Variants in SLC44A5 observed in about 807,000 individuals in gnomAD.
SLC44A5 encodes choline transporter-like protein 5.
Under a neutral mutation model 101.8 loss-of-function variants are expected in SLC44A5, and 57 were observed. The ratio of observed to expected loss-of-function variants is 0.56; its 90% CI spans 0.45 to 0.70. The LOEUF (loss-of-function observed/expected upper bound fraction) is 0.70, where lower values mean the gene tolerates loss of function less well. Ranked by LOEUF, SLC44A5 falls within the 30% of genes least tolerant of loss-of-function variation. The pLI, the probability that SLC44A5 is intolerant of heterozygous loss-of-function variation, is 0.00. For missense variants in SLC44A5, 737 were observed against 853.1 expected, an observed-to-expected ratio of 0.86 and a Z score of 1.70; for synonymous variants, 281 against 290.9, an observed-to-expected ratio of 0.97 and a Z score of 0.35.
At chr1:75,686,605 G>A in the SLC44A5 span, among the ~76,000 whole-genome samples, 1 of 152,166 alleles carries the variant, frequency 6.6e-6, no homozygotes, top group African/African-American at 2.4e-5. Flanking sequence ...ATTATTGAAG[G>A]GACTTTGGTT....
intron 6 of SLC44A5, among the ~76,000 whole-genome samples, chr1:75,270,886 T>C (rs1044391314): frequency 6.6e-6 from 1 of 152,184 alleles, no homozygotes; most frequent in Non-Finnish European, 1.5e-5. Context: ...TTGACATAAG[T>C]GGATCATTGG....
At chr1:75,643,067 A>G in the SLC44A5 span, among the ~76,000 whole-genome samples, 1 of 152,148 alleles carries the variant, frequency 6.6e-6, no homozygotes, top group Non-Finnish European at 1.5e-5. Flanking sequence ...TAGATTTCCT[A>G]TACTGATTTT....
At chr1:75,205,592 C>T (rs138394915) in intron 23 of SLC44A5, 1 of 152,158 alleles carries the variant, frequency 6.6e-6, no homozygotes, top group African/African-American at 2.4e-5. Flanking sequence ...GAGTTCCTAA[C>T]CCACAGTATG....
chr1:75,630,049 AT>A, the SLC44A5 span, among the ~76,000 whole-genome samples: 1 of 152,142 alleles, frequency 6.6e-6, no homozygotes, highest in Non-Finnish European at 1.5e-5. Context: ...TTCTAGCTCC[AT>A]CCCCCCAATT....
chr1:75,593,538 A>G (rs958014421), intron 1 of SLC44A5, among the ~76,000 whole-genome samples: 1 of 152,152 alleles, frequency 6.6e-6, no homozygotes, highest in Admixed American at 6.6e-5. Flanking sequence ...ATGCACTCTT[A>G]TGTTTGTTGC....
At chr1:75,316,568 T>C (rs1027782217) in intron 4 of SLC44A5, among the ~76,000 whole-genome samples, 3 of 152,228 alleles carry the variant, frequency 2.0e-5, no homozygotes, top group Non-Finnish European at 4.4e-5. Flanking sequence ...AGGGTAGAAC[T>C]TGGAACTTAA....
rs79119347 is a variant in SLC44A5, at chr1:75,312,568, G to A, written c.102-11883C>T. On this transcript the variant is annotated intron_variant, in intron 4 of 23. Coordinates refer to ENST00000370859, the MANE Select transcript of SLC44A5 (RefSeq NM_001130058.2). Reference sequence around the variant, plus strand: ...TTCCTGTCCTTCTTCTGTGGCATATGTGATGCCTTCTGTCATGTTTTGATG... The same window carrying A: ...TTCCTGTCCTTCTTCTGTGGCATATATGATGCCTTCTGTCATGTTTTGATG... Among the ~76,000 whole-genome samples the A allele has an allele frequency of 1.4e-3, 211 of 152,172 alleles. 1 individual carries two copies. Among genetic ancestry groups the A allele is most frequent in the African/African-American group, 4.6e-3 (190 of 41,524 alleles).
chr1:75,677,630 A>C, the SLC44A5 span: 1 of 367,156 alleles, frequency 2.7e-6, no homozygotes, highest in Admixed American at 4.0e-5. Context: ...TAAGTCCTTA[A>C]TTATCAATAA....
intron 1 of SLC44A5, among the ~76,000 whole-genome samples, chr1:75,561,939 A>AGGCCC: frequency 6.6e-6 from 1 of 151,914 alleles, no homozygotes; most frequent in East Asian, 1.9e-4. Flanking sequence ...TTTTTGTTAT[A>AGGCCC]AGAACACAAT....
the SLC44A5 span, among the ~76,000 whole-genome samples, chr1:75,685,594 T>C: frequency 6.6e-6 from 1 of 152,204 alleles, no homozygotes. Context: ...ACTGTCAGCA[T>C]CTTGGTCAAA....
chr1:75,604,711 C>A (rs1256705011), intron 1 of SLC44A5, among the ~76,000 whole-genome samples: 1 of 151,590 alleles, frequency 6.6e-6, no homozygotes, highest in Admixed American at 6.6e-5. Flanking sequence ...TTGTAGTTTT[C>A]TTTGTAGAGA....
chr1:75,226,944 C>T (rs906504579), intron 13 of SLC44A5, among the ~76,000 whole-genome samples: 13 of 152,106 alleles, frequency 8.5e-5, no homozygotes, highest in African/African-American at 2.9e-4. Flanking sequence ...CTTGAAGAAA[C>T]ACTTCAAAAA....
At chr1:75,406,446 G>A (rs988791881) in intron 2 of SLC44A5, among the ~76,000 whole-genome samples, 20 of 152,122 alleles carry the variant, frequency 1.3e-4, no homozygotes, top group South Asian at 6.2e-4. Context: ...GATGAACATC[G>A]ATGTGAAAAT....
chr1:75,250,313 C>G (rs1346054165), intron 7 of SLC44A5, among the ~76,000 whole-genome samples: 6 of 152,138 alleles, frequency 3.9e-5, no homozygotes, highest in Admixed American at 1.3e-4. Flanking sequence ...CCATCCATGT[C>G]TCTGCGAGGG....
the SLC44A5 span, among the ~76,000 whole-genome samples, chr1:75,654,281 T>C: frequency 6.6e-6 from 1 of 152,236 alleles, no homozygotes; most frequent in Non-Finnish European, 1.5e-5. Context: ...TATTTGTCTA[T>C]ATAGTCCTTA....
chr1:75,468,056 G>T (rs186025414), intron 2 of SLC44A5, among the ~76,000 whole-genome samples: 11 of 152,056 alleles, frequency 7.2e-5, no homozygotes, highest in African/African-American at 1.7e-4. Context: ...GCATACAAAA[G>T]GCATATAACA....
At chr1:75,696,072 GA>G in the SLC44A5 span, among the ~76,000 whole-genome samples, 4 of 151,854 alleles carry the variant, frequency 2.6e-5, no homozygotes, top group Admixed American at 2.6e-4. Context: ...CAGTAACCAA[GA>G]ACTCCAAATG....
chr1:75,532,746 C>G (rs2101924135), intron 2 of SLC44A5, among the ~76,000 whole-genome samples: 1 of 152,170 alleles, frequency 6.6e-6, no homozygotes, highest in South Asian at 2.1e-4. Flanking sequence ...GCACTCAAAA[C>G]ATATTGGTTG....
the SLC44A5 span, among the ~76,000 whole-genome samples, chr1:75,646,198 A>C: frequency 7.4e-6 from 1 of 135,016 alleles, no homozygotes; most frequent in Non-Finnish European, 1.6e-5. Flanking sequence ...TGGGGATGGC[A>C]TTGAATCTAT....
Sources: allele counts gnomAD v4.1 joint callset (sites outside exome capture counted in the v4.1 genomes callset), GRCh38; gene constraint gnomAD v4.1.1; transcripts MANE v1.5; gene names NCBI Gene and HGNC (gene_info 2026-07-23, HGNC 2026-07-21).